EML6: variants seen among roughly 807,000 people sequenced by gnomAD.
The protein encoded by EML6 is echinoderm microtubule-associated protein-like 6.
EML6 carries 154 observed loss-of-function variants against 240.1 expected under a neutral mutation model. That is an observed-to-expected ratio of 0.64 (90% CI 0.56 to 0.73). The LOEUF (loss-of-function observed/expected upper bound fraction) is 0.73, where lower values mean the gene tolerates loss of function less well. EML6 is among the 30% of genes least tolerant of loss of function. EML6 has a pLI of 0.00. For synonymous variants in EML6, 1,148 were observed against 899.0 expected (o/e 1.28, Z -4.95); for missense variants, 2,964 against 2,474.6 (o/e 1.20, Z -4.20).
At chr2:54,898,533 C>T (rs1156863793) in intron 21 of EML6, among the ~76,000 whole-genome samples, 4 of 152,146 alleles carry the variant, frequency 2.6e-5, no homozygotes, top group Non-Finnish European at 5.9e-5. Context: ...AAAACAATGT[C>T]TGTATCCTTC....
At chr2:54,779,546 C>CAAAAAA (rs57641161) in intron 2 of EML6, among the ~76,000 whole-genome samples, 1 of 96,718 alleles carries the variant, frequency 1.0e-5, no homozygotes, top group Non-Finnish European at 2.1e-5. Context: ...GACTCTGTCT[C>CAAAAAA]AAAAAAAAAA....
intron 10 of EML6, chr2:54,850,465 G>A (rs1670015349): frequency 4.8e-6 from 2 of 415,384 alleles, no homozygotes; most frequent in East Asian, 3.8e-5. Context: ...AAGGGAGATC[G>A]TGAATGAAAT....
chr2:54,868,463 TG>T (rs1446949132), intron 14 of EML6: 5 of 152,222 alleles, frequency 3.3e-5, no homozygotes, highest in Non-Finnish European at 5.9e-5. Context: ...TTCTCATTTT[TG>T]TATAGATGTA....
At chr2:54,904,722 A>G (rs953446215) in intron 24 of EML6, among the ~76,000 whole-genome samples, 1 of 152,192 alleles carries the variant, frequency 6.6e-6, no homozygotes, top group Non-Finnish European at 1.5e-5. Flanking sequence ...TGTAGGCACT[A>G]TGTAACTCTG....
chr2:54,881,692 A>G (rs1194200765), intron 17 of EML6: 1 of 151,690 alleles, frequency 6.6e-6, no homozygotes, highest in Non-Finnish European at 1.5e-5. Context: ...GCATGATAGA[A>G]GCGACAACGA....
At chr2:54,784,140 CT>C in intron 2 of EML6, among the ~76,000 whole-genome samples, 1 of 152,116 alleles carries the variant, frequency 6.6e-6, no homozygotes, top group Middle Eastern at 3.4e-3. Flanking sequence ...AGATGGGGAT[CT>C]TGCTATGTTG....
chr2:54,877,097 C>T (rs1337699040), intron 16 of EML6, among the ~76,000 whole-genome samples: 1 of 151,992 alleles, frequency 6.6e-6, no homozygotes, highest in East Asian at 1.9e-4. Flanking sequence ...ATCCTCCCAA[C>T]TCAGCCTCCC....
At chr2:54,827,533 T>C (rs1395130461) in intron 5 of EML6, 33 bp from the exon 6 acceptor site, 1 of 1,513,340 alleles carries the variant, frequency 6.6e-7, no homozygotes, top group Admixed American at 2.0e-5. Context: ...GAATACTCTA[T>C]CTTGGAGATC....
At chr2:54,789,501 G>T (rs1365799317) in intron 2 of EML6, among the ~76,000 whole-genome samples, 1 of 114,450 alleles carries the variant, frequency 8.7e-6, no homozygotes, top group Non-Finnish European at 1.7e-5. Flanking sequence ...GCCACAGAGC[G>T]AGACTTCGTC....
intron 28 of EML6, among the ~76,000 whole-genome samples, chr2:54,943,679 A>G (rs1385059922): frequency 6.6e-6 from 1 of 152,216 alleles, no homozygotes; most frequent in African/African-American, 2.4e-5. Context: ...AGCATTGTCC[A>G]GTAGAAATAT....
intron 26 of EML6, among the ~76,000 whole-genome samples, chr2:54,920,755 C>G (rs771804240): frequency 1.3e-5 from 2 of 152,076 alleles, no homozygotes; most frequent in African/African-American, 4.8e-5. Flanking sequence ...GTGCAAAAAT[C>G]TGAAACAAAA....
chr2:54,911,536 T>C (rs899872243), intron 25 of EML6, among the ~76,000 whole-genome samples: 3 of 152,072 alleles, frequency 2.0e-5, no homozygotes, highest in Admixed American at 6.6e-5. Flanking sequence ...TTAATGTGAT[T>C]CTCCCACCAC....
chr2:54,962,976 G>C (rs1451082740), intron 36 of EML6, among the ~76,000 whole-genome samples: 1 of 152,178 alleles, frequency 6.6e-6, no homozygotes, highest in Non-Finnish European at 1.5e-5. Context: ...TGGATGAGAA[G>C]ACTAAAAATG....
chr2:54,847,211 A>T (rs1173655642), intron 8 of EML6, among the ~76,000 whole-genome samples: 1 of 152,222 alleles, frequency 6.6e-6, no homozygotes, highest in East Asian at 1.9e-4. Context: ...GCCCAGCCTT[A>T]AATTTTTTTT....
chr2:54,934,146 A>G (rs1161108334), intron 28 of EML6, among the ~76,000 whole-genome samples: 1 of 152,222 alleles, frequency 6.6e-6, no homozygotes, highest in South Asian at 2.1e-4. Context: ...AAATACCAGC[A>G]GTCAGGATAT....
At chr2:54,830,863 C>G (rs939535460) in intron 7 of EML6, among the ~76,000 whole-genome samples, 3 of 152,140 alleles carry the variant, frequency 2.0e-5, no homozygotes, top group African/African-American at 7.2e-5. Context: ...TGTCTTCTCA[C>G]GGAGGCTCAG....
chr2:54,817,243 G>C (rs1219575401), intron 4 of EML6, among the ~76,000 whole-genome samples: 1 of 152,156 alleles, frequency 6.6e-6, no homozygotes, highest in South Asian at 2.1e-4. Context: ...GATTACAAGG[G>C]TATGCATTTT....
intron 34 of EML6, 63 bp from the exon 35 acceptor site, chr2:54,960,157 C>G: frequency 8.3e-7 from 1 of 1,200,888 alleles, no homozygotes; most frequent in Admixed American, 2.0e-5. Flanking sequence ...GGGAGAGGGC[C>G]GGAGGGGGTA....
At chr2:54,832,155 A>C (rs1668904678) in intron 7 of EML6, among the ~76,000 whole-genome samples, 1 of 152,186 alleles carries the variant, frequency 6.6e-6, no homozygotes, top group Non-Finnish European at 1.5e-5. Flanking sequence ...TACATGTAGC[A>C]TCAAAAGAAG....
Sources: gnomAD v4.1 joint callset for allele counts (sites outside exome capture counted in the v4.1 genomes callset) on GRCh38, gnomAD v4.1.1 for gene constraint, MANE v1.5 for transcripts, NCBI Gene and HGNC (gene_info 2026-07-23, HGNC 2026-07-21) for gene names.